JADE2: variants seen among roughly 807,000 people sequenced by gnomAD.
JADE2 encodes the protein E3 ubiquitin-protein ligase Jade-2.
A neutral mutation model predicts 85.7 loss-of-function variants in JADE2; 13 were observed. The observed-to-expected ratio is 0.15, with a 90% CI of 0.10 to 0.24. The LOEUF is 0.24. JADE2 is among the 10% of genes least tolerant of loss of function. The pLI is 1.00. For synonymous variants in JADE2, 440 were observed against 456.1 expected, an observed-to-expected ratio of 0.96 and a Z score of 0.45; for missense variants, 846 against 1,115.9, an observed-to-expected ratio of 0.76 and a Z score of 3.45.
chr5:134,551,987 T>C, intron 3 of JADE2, 65 bp from the exon 4 acceptor site: 4 of 1,520,812 alleles, frequency 2.6e-6, no homozygotes, highest in Non-Finnish European at 3.6e-6. Flanking sequence ...CCTCTTCCTC[T>C]GGCCTGTGGG....
At chr5:134,526,783 C>G in intron 1 of JADE2, 3 of 984,680 alleles carry the variant, frequency 3.0e-6, no homozygotes, top group Non-Finnish European at 3.6e-6. Context: ...TGCGGAGCCT[C>G]GGCGCCAGGG....
At chr5:134,573,132 A>G (rs1340864067) in intron 9 of JADE2, among the ~76,000 whole-genome samples, 1 of 152,256 alleles carries the variant, frequency 6.6e-6, no homozygotes, top group Non-Finnish European at 1.5e-5. Flanking sequence ...TTTGTGGCTC[A>G]GGACAAGTGT....
chr5:134,551,996 G>A, intron 3 of JADE2, 56 bp from the exon 4 acceptor site: 1 of 1,562,302 alleles, frequency 6.4e-7, no homozygotes, highest in Non-Finnish European at 8.8e-7. Flanking sequence ...CTGGCCTGTG[G>A]GGCAGACTGC....
intron 9 of JADE2, among the ~76,000 whole-genome samples, chr5:134,571,855 T>C (rs1382931470): frequency 6.6e-6 from 1 of 152,208 alleles, no homozygotes; most frequent in African/African-American, 2.4e-5. Flanking sequence ...TGGCCTGGCT[T>C]GGATTCCTCG....
chr5:134,545,761 T>A (rs1423926997), intron 3 of JADE2, among the ~76,000 whole-genome samples: 9 of 152,232 alleles, frequency 5.9e-5, no homozygotes, highest in Non-Finnish European at 7.3e-5. Flanking sequence ...CTGACATGCC[T>A]TAACAGGGCA....
At chr5:134,548,523 G>A (rs1762424643) in intron 3 of JADE2, among the ~76,000 whole-genome samples, 2 of 152,202 alleles carry the variant, frequency 1.3e-5, no homozygotes, top group Admixed American at 1.3e-4. Context: ...TTAAGACAGT[G>A]CTGCCCTCCC....
chr5:134,553,630 G>A (rs1157073772), intron 4 of JADE2, among the ~76,000 whole-genome samples: 1 of 152,246 alleles, frequency 6.6e-6, no homozygotes, highest in African/African-American at 2.4e-5. Flanking sequence ...GGGATTGCAG[G>A]CGTGAGCCAC....
At chr5:134,545,290 T>TGGAA (rs1253785010) in intron 3 of JADE2, among the ~76,000 whole-genome samples, 5 of 152,216 alleles carry the variant, frequency 3.3e-5, no homozygotes, top group Non-Finnish European at 7.4e-5. Context: ...CTCCGCCAGC[T>TGGAA]GGAAGGGCCT....
At position 134,562,050 on chromosome 5, in the gene JADE2, A is replaced by G. The variant is rs909487689; in HGVS notation, c.685-150A>G. The G allele has an allele frequency of 1.4e-5, 10 of 729,146 alleles. No homozygotes were observed. Among genetic ancestry groups the G allele is most frequent in the Admixed American group, 6.0e-5 (2 of 33,500 alleles). 45.2% of individuals were successfully genotyped at this position (729,146 alleles called of 1,614,324 possible). A position where few individuals can be genotyped will look rare whatever the true frequency, so the allele number is the denominator to read the frequency against. ...CAGGAGCCCTTCCTTCCTTCCTTGC[A>G]TTGTAACTCCTCAGAAGTTGTACGT... On this transcript the variant is annotated intron_variant, in intron 6 of 11. Coordinates refer to ENST00000681547, the MANE Select transcript of JADE2 (RefSeq NM_001388185.1). This position sits in a 1 kb window ranked among gnomAD's most constrained non-coding sequence, Gnocchi z 4.6.
At chr5:134,552,280 G>A (rs1007934795) in intron 4 of JADE2, 71 bp downstream of exon 4, 30 of 1,410,400 alleles carry the variant, frequency 2.1e-5, no homozygotes, top group Non-Finnish European at 2.9e-5. Context: ...TCCAGGTTAG[G>A]TGACCTGCCA....
Position 134,581,818 on chromosome 5 carries a change from A to ATCT in JADE2, c.*2507_*2509dup, listed in dbSNP as rs1166777929. 6.6e-6 allele frequency: 1 copy of ATCT among 152,292 alleles called. No homozygotes were observed. Among genetic ancestry groups the ATCT allele is most frequent in the South Asian group, 2.1e-4 (1 of 4,822 alleles). 9.4% of individuals were successfully genotyped at this position (152,292 alleles called of 1,614,324 possible). A position where few individuals can be genotyped will look rare whatever the true frequency, so the allele number is the denominator to read the frequency against. ...CACTCCCAGGCCAAGCCCTGGAGCA[A>ATCT]TCTTCTTCAGGCAGCTGTCTCCACC... On this transcript the variant is annotated 3_prime_UTR_variant, in exon 12 of 12. Coordinates refer to ENST00000681547, the MANE Select transcript of JADE2 (RefSeq NM_001388185.1).
intron 1 of JADE2, chr5:134,533,542 G>A: frequency 1.0e-6 from 1 of 985,282 alleles, no homozygotes; most frequent in Non-Finnish European, 1.2e-6. Flanking sequence ...CTTCTTTGCA[G>A]GAAATGAAGA....
chr5:134,546,789 T>C (rs1429670708), intron 3 of JADE2, among the ~76,000 whole-genome samples: 1 of 152,054 alleles, frequency 6.6e-6, no homozygotes, highest in Admixed American at 6.6e-5. Context: ...AATGTGTATA[T>C]ATAATTACAC....
Position 134,566,310 on chromosome 5 carries a change from A to G in JADE2, c.1164A>G (p.Glu388=), listed in dbSNP as rs759525405. 3 of 1,614,086 alleles carry G rather than the reference A, an allele frequency of 1.9e-6. No homozygotes were observed. The highest frequency in any genetic ancestry group is 2.5e-6 in the Non-Finnish European group (3 of 1,180,018). Residue 388 remains glutamate, a synonymous_variant, in exon 9 of 12, where the codon GAA becomes GAG. Transcript: ENST00000681547. This position sits in a 1 kb window ranked among gnomAD's most constrained non-coding sequence, Gnocchi z 6.7. ...CCAGCCAGGCTGGCGAGGACCTGGA[A>G]AAGGTGACCCTGCGCAAGCAGCGGC... ...TEPSQAGEDL[E]KVTLRKQRLQ...
In JADE2 at chr5:134,580,967, C is replaced by T. The variant is rs189545687; in HGVS notation, c.*1650C>T. The T allele has an allele frequency of 3.3e-5, 5 of 152,692 alleles. No homozygotes were observed. Among genetic ancestry groups the T allele is most frequent in the African/African-American group, 1.2e-4 (5 of 41,564 alleles). The allele number at this position is 152,692 out of a possible 1,614,324, so 9.5% of individuals were successfully genotyped here. ...CTGACGGTGAAACCAGCATGGAAAA[C>T]GTCTTTACCATGTGGTTCCCTCCTC... is the stretch of plus-strand genomic sequence containing the variant. On this transcript the variant is annotated 3_prime_UTR_variant, in exon 12 of 12. Coordinates refer to ENST00000681547, the MANE Select transcript of JADE2 (RefSeq NM_001388185.1).
At chr5:134,540,593 A>G (rs1442342677) in intron 3 of JADE2, among the ~76,000 whole-genome samples, 1 of 152,092 alleles carries the variant, frequency 6.6e-6, no homozygotes, top group Non-Finnish European at 1.5e-5. Context: ...GTAGTAAAAC[A>G]GTAGCTACCT....
chr5:134,574,151 C>T (rs948616618), intron 10 of JADE2: 2 of 315,282 alleles, frequency 6.3e-6, no homozygotes, highest in African/African-American at 4.4e-5. Flanking sequence ...CCTGGTGTGC[C>T]TGGGAGTCAG....
Position 134,567,462 on chromosome 5 carries a change from C to T in JADE2, c.1434+882C>T, listed in dbSNP as rs182943584. 2.0e-3 allele frequency among the ~76,000 whole-genome samples: 301 copies of T among 152,278 alleles called. 1 individual carries two copies. The highest frequency in any genetic ancestry group is 6.9e-3 in the African/African-American group (285 of 41,540). On this transcript the variant is annotated intron_variant, in intron 9 of 11. Coordinates refer to ENST00000681547, the MANE Select transcript of JADE2 (RefSeq NM_001388185.1). The stretch of plus-strand genomic sequence containing the variant: ...TTTCCAGTCCTCTGAACCCCACAGG[C>T]TGTTCTGGTCTCTCCTCTCTGGGAC...
upstream of JADE2, among the ~76,000 whole-genome samples, chr5:134,525,219 G>A (rs1381606452): frequency 6.6e-6 from 1 of 151,940 alleles, no homozygotes. Context: ...GGCGCGTAGG[G>A]GGCGGGGTGT....
Sources: gnomAD v4.1 joint callset for allele counts (sites outside exome capture counted in the v4.1 genomes callset) on GRCh38, gnomAD v4.1.1 for gene constraint, Gnocchi (gnomAD v3.1) non-coding constraint, MANE v1.5 for transcripts, NCBI Gene and HGNC (gene_info 2026-07-23, HGNC 2026-07-21) for gene names.